The following ACBD6 variants were observed in gnomAD, a reference collection of about 807,000 sequenced individuals.
ACBD6 encodes the protein acyl-CoA-binding domain-containing protein 6.
ACBD6 carries 28 observed loss-of-function variants against 37.2 expected under a neutral mutation model. The ratio of observed to expected loss-of-function variants is 0.75; its 90% CI spans 0.56 to 1.03. The LOEUF (loss-of-function observed/expected upper bound fraction) is 1.03. Ranked by LOEUF, ACBD6 falls within the 50% of genes least tolerant of loss-of-function variation. The pLI is 0.00. For synonymous variants in ACBD6, 113 were observed against 126.8 expected (o/e 0.89, Z 0.73); for missense variants, 340 against 337.4 (o/e 1.01, Z -0.06).
At chr1:180,335,334 A>G (rs1235970754) in intron 6 of ACBD6, among the ~76,000 whole-genome samples, 2 of 152,224 alleles carry the variant, frequency 1.3e-5, no homozygotes, top group Non-Finnish European at 2.9e-5. Context: ...TCTACAAGCC[A>G]GGAGAGAGTG....
At chr1:180,276,185 C>G (rs1649015774) in intron 9 of ACBD6, 1 of 152,128 alleles carries the variant, frequency 6.6e-6, no homozygotes, top group African/African-American at 2.4e-5. Flanking sequence ...AGTGATGGGG[C>G]CAGAGACCCT....
At chr1:180,378,629 T>C (rs1226243672) in intron 6 of ACBD6, among the ~76,000 whole-genome samples, 2 of 152,172 alleles carry the variant, frequency 1.3e-5, no homozygotes, top group African/African-American at 4.8e-5. Flanking sequence ...GTGTAAACTG[T>C]TAATGTTGGA....
intron 4 of ACBD6, among the ~76,000 whole-genome samples, chr1:180,428,271 TA>T (rs1418173208): frequency 2.0e-5 from 3 of 152,218 alleles, no homozygotes; most frequent in Non-Finnish European, 4.4e-5. Flanking sequence ...TAATATTTAT[TA>T]AACATACTTT....
At chr1:180,450,336 C>A (rs777825062) in intron 3 of ACBD6, among the ~76,000 whole-genome samples, 1 of 152,168 alleles carries the variant, frequency 6.6e-6, no homozygotes, top group Non-Finnish European at 1.5e-5. Context: ...TGTTGAGAAA[C>A]TGAAATTTGT....
At chr1:180,294,922 C>T (rs1215696840) in intron 7 of ACBD6, among the ~76,000 whole-genome samples, 1 of 152,014 alleles carries the variant, frequency 6.6e-6, no homozygotes, top group African/African-American at 2.4e-5. Context: ...GGGTCTCGAA[C>T]TCTTAGTCTC....
chr1:180,398,331 A>T (rs1474490005), intron 5 of ACBD6, among the ~76,000 whole-genome samples: 10 of 152,358 alleles, frequency 6.6e-5, no homozygotes, highest in South Asian at 4.1e-4. Context: ...AAGAAATCAT[A>T]AGAATAAAAA....
chr1:180,426,844 A>G (rs1197813625), intron 4 of ACBD6, among the ~76,000 whole-genome samples: 1 of 152,206 alleles, frequency 6.6e-6, no homozygotes, highest in Non-Finnish European at 1.5e-5. Context: ...TTTTACAGGT[A>G]AGTAACTTGC....
At chr1:180,487,257 G>A (rs1651306775) in intron 3 of ACBD6, among the ~76,000 whole-genome samples, 1 of 152,022 alleles carries the variant, frequency 6.6e-6, no homozygotes. Context: ...TTATACAGTA[G>A]CCCTCCTTTA....
intron 3 of ACBD6, among the ~76,000 whole-genome samples, chr1:180,481,960 C>A (rs886161247): frequency 6.6e-6 from 1 of 152,054 alleles, no homozygotes; most frequent in African/African-American, 2.4e-5. Context: ...AGGTGAATTT[C>A]TTTCTGAGAT....
intron 1 of ACBD6, 93 bp downstream of exon 1, chr1:180,501,952 A>T: frequency 8.1e-7 from 1 of 1,241,090 alleles, no homozygotes; most frequent in South Asian, 1.3e-5. Flanking sequence ...GCTTCATTAC[A>T]CCTAGCTATT....
At chr1:180,471,804 G>C (rs529331584) in intron 3 of ACBD6, among the ~76,000 whole-genome samples, 187 of 152,112 alleles carry the variant, frequency 1.2e-3, no homozygotes, top group African/African-American at 4.4e-3. Context: ...AAGAAAACTG[G>C]CACTTTACTC....
chr1:180,289,299 A>G (rs553866356), intron 7 of ACBD6, among the ~76,000 whole-genome samples: 28 of 152,222 alleles, frequency 1.8e-4, no homozygotes, highest in Non-Finnish European at 1.0e-4. Flanking sequence ...ACTGGGACTC[A>G]CTAAAGGCAA....
intron 4 of ACBD6, among the ~76,000 whole-genome samples, chr1:180,417,355 T>C (rs1648142361): frequency 6.6e-6 from 1 of 152,166 alleles, no homozygotes; most frequent in South Asian, 2.1e-4. Context: ...CTTACTATAG[T>C]TAGTATACTT....
chr1:180,436,148 T>C (rs1207116708), intron 3 of ACBD6, among the ~76,000 whole-genome samples: 2 of 152,174 alleles, frequency 1.3e-5, no homozygotes, highest in Non-Finnish European at 1.5e-5. Flanking sequence ...CTTTCAGTGG[T>C]AGACTTGGGG....
intron 3 of ACBD6, among the ~76,000 whole-genome samples, chr1:180,443,468 G>C (rs1316077541): frequency 6.6e-6 from 1 of 152,150 alleles, no homozygotes; most frequent in Non-Finnish European, 1.5e-5. Context: ...TGTCAATATA[G>C]GATCATCCTC....
At chr1:180,297,216 T>C (rs994208144) in intron 7 of ACBD6, among the ~76,000 whole-genome samples, 4 of 152,202 alleles carry the variant, frequency 2.6e-5, no homozygotes, top group African/African-American at 9.7e-5. Context: ...TTCACGGCTA[T>C]GTGCTGTGAA....
chr1:180,453,086 T>C (rs1649777036), intron 3 of ACBD6, among the ~76,000 whole-genome samples: 1 of 152,200 alleles, frequency 6.6e-6, no homozygotes. Context: ...ATCAACCTGA[T>C]ATCAAAACCC....
In ACBD6 at chr1:180,331,786, A is replaced by G. The variant is rs553729425; in HGVS notation, c.664-17064T>C. 9.8e-4 allele frequency among the ~76,000 whole-genome samples: 149 copies of G among 152,276 alleles called. No individual in the cohort carries two copies. The South Asian group carries it at 0.017, about 18-fold the overall frequency. ...CCCCAAGGAAAATTGTCCCAACCCCAAGACTTCATGTTAATAAATGGTATG... is the reference window on the plus strand; with the variant it reads ...CCCCAAGGAAAATTGTCCCAACCCCGAGACTTCATGTTAATAAATGGTATG... On this transcript the variant is annotated intron_variant, in intron 6 of 7. Coordinates refer to ENST00000367595, the MANE Select transcript of ACBD6 (RefSeq NM_032360.4).
At chr1:180,297,780 G>A (rs1021679115) in intron 7 of ACBD6, among the ~76,000 whole-genome samples, 5 of 152,022 alleles carry the variant, frequency 3.3e-5, no homozygotes, top group African/African-American at 9.7e-5. Flanking sequence ...TACTCTTGTC[G>A]CCCAGGCTGG....
Sources: gnomAD v4.1 joint callset for allele counts (sites outside exome capture counted in the v4.1 genomes callset) on GRCh38, gnomAD v4.1.1 for gene constraint, MANE v1.5 for transcripts, NCBI Gene and HGNC (gene_info 2026-07-23, HGNC 2026-07-21) for gene names.